The following DNAJC21 variants were observed in gnomAD, a reference collection of about 807,000 sequenced individuals.
DNAJC21 encodes the protein dnaJ homolog subfamily C member 21.
DNAJC21 carries 63 observed loss-of-function variants against 72.4 expected under a neutral mutation model. That is an observed-to-expected ratio of 0.87 (90% CI 0.71 to 1.07). The LOEUF (loss-of-function observed/expected upper bound fraction) is 1.07, where lower values mean the gene tolerates loss of function less well. Among genes scored for constraint, DNAJC21 ranks in the 50% least tolerant of loss-of-function variants. The pLI is 0.00. For missense variants in DNAJC21, 634 were observed against 644.8 expected (o/e 0.98, Z 0.18); for synonymous variants, 203 against 216.7 (o/e 0.94, Z 0.56).
At chr5:34,934,994 C>G (rs1561181222) in intron 2 of DNAJC21, among the ~76,000 whole-genome samples, 1 of 152,200 alleles carries the variant, frequency 6.6e-6, no homozygotes, top group Non-Finnish European at 1.5e-5. Context: ...TGCCTACTCT[C>G]TTCTCAAGAT....
chr5:34,950,567 A>G (rs1765329780), intron 10 of DNAJC21: 1 of 1,153,634 alleles, frequency 8.7e-7, no homozygotes. Flanking sequence ...AGCATGGCCA[A>G]AATCAGAAAG....
chr5:34,954,913 C>A lies in DNAJC21; in HGVS notation c.*199C>A. The A allele has an allele frequency of 1.9e-6, 1 of 539,784 alleles. No homozygotes were observed. The highest frequency in any genetic ancestry group is 2.9e-6 in the Non-Finnish European group (1 of 341,496). 33.4% of individuals were successfully genotyped at this position (539,784 alleles called of 1,614,324 possible). The stretch of plus-strand genomic sequence containing the variant: ...CACTAGTGATTGAATTCTACTTTTG[C>A]CATCTGAATTGACTTGAATGTCTTA... On this transcript the variant is annotated 3_prime_UTR_variant, in exon 12 of 12. Transcript: ENST00000648817.
Position 34,936,259 on chromosome 5 carries a change from A to C in DNAJC21, c.431A>C (p.Tyr144Ser), listed in dbSNP as rs746409541. Residue 144 changes from tyrosine (Y) to serine (S), a missense_variant, in exon 4 of 12, where the codon TAT becomes TCT. Transcript: ENST00000648817. ...FPTFGDSQSD[Y>S]DTVVHPFYAY... ...ACTTTTGGAGACTCCCAGAGTGACTATGATACGGTAAAATAAAAATGCATT... is the reference window on the plus strand; with the variant it reads ...ACTTTTGGAGACTCCCAGAGTGACTCTGATACGGTAAAATAAAAATGCATT... 1.7e-5 allele frequency: 27 copies of C among 1,607,532 alleles called. No individual in the cohort carries two copies. Among genetic ancestry groups the C allele is most frequent in the Non-Finnish European group, 2.2e-5 (26 of 1,178,506 alleles).
In DNAJC21 at chr5:34,945,786, A is replaced by C; in HGVS notation, c.1168A>C (p.Lys390Gln). Residue 390 changes from lysine (K) to glutamine (Q), a missense_variant, in exon 9 of 12, where the codon AAA becomes CAA. Lys to Gln is a moderately conservative substitution (Grantham distance 53). Transcript: ENST00000648817. ...GCTTTCTAAAAAACAGAAGAAAAAG[A>C]AACAGAAACCAGCACAGGTATGTTA... ...QKLSKKQKKK[K>Q]QKPAQNYDDN... 2 of 1,596,804 alleles carry C rather than the reference A, an allele frequency of 1.3e-6. No individual in the cohort carries two copies. Among genetic ancestry groups the C allele is most frequent in the Non-Finnish European group, 8.5e-7 (1 of 1,173,660 alleles).
At chr5:34,947,043 G>T (rs1765194068) in intron 9 of DNAJC21, among the ~76,000 whole-genome samples, 1 of 152,122 alleles carries the variant, frequency 6.6e-6, no homozygotes, top group East Asian at 1.9e-4. Flanking sequence ...GAAGGGAAGG[G>T]CAGTGTGGAG....
intron 10 of DNAJC21, chr5:34,952,393 A>C (rs1765402345): frequency 2.7e-6 from 1 of 372,530 alleles, no homozygotes; most frequent in Non-Finnish European, 3.7e-6. Context: ...CCTAATCTGC[A>C]TTTTTTAAAT....
rs1018273497 is a variant in DNAJC21 at position 34,958,411 on chromosome 5, T to C, written c.*3697T>C. Reference sequence around the variant, plus strand: ...AAACAATATGTACTACCTTATACCCTTCCCCAAAAACAAAGGGATTAAAGA... The same window carrying C: ...AAACAATATGTACTACCTTATACCCCTCCCCAAAAACAAAGGGATTAAAGA... On this transcript the variant is annotated 3_prime_UTR_variant, in exon 12 of 12. Transcript: ENST00000648817. 2.0e-5 allele frequency: 3 copies of C among 152,176 alleles called. No individual in the cohort carries two copies. The highest frequency in any genetic ancestry group is 4.4e-5 in the Non-Finnish European group (3 of 68,034). 9.4% of individuals were successfully genotyped at this position (152,176 alleles called of 1,614,324 possible).
rs1180575926 is a variant in DNAJC21 at position 34,942,084 on chromosome 5, G to A, written c.983+901G>A. Reference sequence around the variant, plus strand: ...TAAAACACATGCACTGTCTCCAGAAGCATTGCTTGTTTTGGCAAAGAAGAC... The same window carrying A: ...TAAAACACATGCACTGTCTCCAGAAACATTGCTTGTTTTGGCAAAGAAGAC... On this transcript the variant is annotated intron_variant, in intron 7 of 11. Coordinates refer to ENST00000648817, the MANE Select transcript of DNAJC21 (RefSeq NM_001012339.3). Among the ~76,000 whole-genome samples the A allele has an allele frequency of 2.6e-5, 4 of 152,046 alleles. No individual in the cohort carries two copies. The East Asian group carries it at 7.7e-4, about 29-fold the overall frequency.
In DNAJC21 at chr5:34,948,914, A is replaced by G. The variant is rs111315718; in HGVS notation, c.1186-1256A>G. Among the ~76,000 whole-genome samples the G allele has an allele frequency of 3.9e-3, 591 of 152,274 alleles. 2 individuals are homozygous for G. The highest frequency in any genetic ancestry group is 0.013 in the African/African-American group (550 of 41,546). On this transcript the variant is annotated intron_variant, in intron 9 of 11. Transcript: ENST00000648817. Reference sequence around the variant, plus strand: ...ATAGGAAAGCTTTATTATTACAGAAAAATATTAATTAGTACAAGTGCAAAT... The same window carrying G: ...ATAGGAAAGCTTTATTATTACAGAAGAATATTAATTAGTACAAGTGCAAAT...
Position 34,945,754 on chromosome 5 carries a change from C to T in DNAJC21, c.1143-7C>T, listed in dbSNP as rs775900769. 1.9e-6 allele frequency: 3 copies of T among 1,591,104 alleles called. No individual in the cohort carries two copies. The highest frequency in any genetic ancestry group is 1.2e-5 in the South Asian group (1 of 86,606). ...TATTTGACATTTCGATTTATATTTG[C>T]TCTTAGGCTTTCTAAAAAACAGAAG... On this transcript the variant is annotated splice_polypyrimidine_tract_variant and splice_region_variant and intron_variant, in intron 8 of 11. Transcript: ENST00000648817.
intron 2 of DNAJC21, 146 bp from the exon 3 acceptor site, chr5:34,935,564 G>GTT: frequency 1.2e-6 from 1 of 834,338 alleles, no homozygotes. Context: ...CTCTTTTCAT[G>GTT]TTAATATTTC....
Position 34,941,094 on chromosome 5 carries a change from A to G in DNAJC21, c.896-2A>G, listed in dbSNP as rs1178439882. The G allele has an allele frequency of 1.2e-6, 2 of 1,611,812 alleles. No individual in the cohort carries two copies. Among genetic ancestry groups the G allele is most frequent in the East Asian group, 4.5e-5 (2 of 44,866 alleles). On this transcript the variant is annotated splice_acceptor_variant, in intron 6 of 11. Coordinates refer to ENST00000648817, the MANE Select transcript of DNAJC21 (RefSeq NM_001012339.3). LOFTEE classifies it high-confidence loss of function. ...TTCTTACTGTAGGCTTCCCTGTCATAGGTAAAGACAGTGATGAGGCCGAGG... is the reference window on the plus strand; with the variant it reads ...TTCTTACTGTAGGCTTCCCTGTCATGGGTAAAGACAGTGATGAGGCCGAGG...
intron 1 of DNAJC21, among the ~76,000 whole-genome samples, chr5:34,931,955 C>G (rs1764611361): frequency 6.6e-6 from 1 of 152,192 alleles, no homozygotes; most frequent in Non-Finnish European, 1.5e-5. Flanking sequence ...AATATCTTCT[C>G]TAAATATCAT....
rs757340411 is a variant in DNAJC21 at position 34,939,025 on chromosome 5, TTTTA to T, written c.895+22_895+25del. On this transcript the variant is annotated intron_variant, in intron 6 of 11. Coordinates refer to ENST00000648817, the MANE Select transcript of DNAJC21 (RefSeq NM_001012339.3). ...GAGGAGGATGGTAATATTATTTTTATTTTATTTATCTTTTTTGTTTTTTAAGTGA... is the reference window on the plus strand; with the variant it reads ...GAGGAGGATGGTAATATTATTTTTATTTTATCTTTTTTGTTTTTTAAGTGA... 2 of 1,506,034 alleles carry T rather than the reference TTTTA, an allele frequency of 1.3e-6. No homozygotes were observed. The highest frequency in any genetic ancestry group is 2.8e-5 in the African/African-American group (2 of 70,498). 93.3% of individuals were successfully genotyped at this position (1,506,034 alleles called of 1,614,324 possible). A position where few individuals can be genotyped will look rare whatever the true frequency, so the allele number is the denominator to read the frequency against.
chr5:34,944,801 C>T, intron 7 of DNAJC21, 66 bp from the exon 8 acceptor site: 1 of 1,586,128 alleles, frequency 6.3e-7, no homozygotes, highest in South Asian at 1.2e-5. Flanking sequence ...TGCAGTTATC[C>T]AGCAACATTA....
chr5:34,956,705 G>A lies in DNAJC21; in HGVS notation c.*1991G>A, dbSNP rs1765547222. On this transcript the variant is annotated 3_prime_UTR_variant, in exon 12 of 12. Coordinates refer to ENST00000648817, the MANE Select transcript of DNAJC21 (RefSeq NM_001012339.3). ...GCAGGTATTTAATTTGTTTAATGAG[G>A]GTTGAGTGGAGTTATGTGTCGCTTT... The A allele has an allele frequency of 1.3e-5, 2 of 152,122 alleles. No homozygotes were observed. The highest frequency in any genetic ancestry group is 1.3e-4 in the Admixed American group (2 of 15,270). 9.4% of individuals were successfully genotyped at this position (152,122 alleles called of 1,614,324 possible). A position where few individuals can be genotyped will look rare whatever the true frequency, so the allele number is the denominator to read the frequency against.
intron 7 of DNAJC21, among the ~76,000 whole-genome samples, chr5:34,943,534 G>C (rs1765069168): frequency 6.6e-6 from 1 of 152,194 alleles, no homozygotes; most frequent in Admixed American, 6.5e-5. Flanking sequence ...TTACTATAGA[G>C]TTAGTATTTT....
At chr5:34,952,005 C>T (rs115328258) in intron 10 of DNAJC21, 14,072 of 985,398 alleles carry the variant, frequency 0.014, 137 homozygotes, top group Non-Finnish European at 0.016. Context: ...TACCCAGCAC[C>T]CTCCCCACAC....
At chr5:34,937,919 C>G (rs546114496) in intron 5 of DNAJC21, among the ~76,000 whole-genome samples, 149 of 152,238 alleles carry the variant, frequency 9.8e-4, no homozygotes, top group Non-Finnish European at 1.6e-3. Context: ...CTCAGCCTCC[C>G]AAGTAGCTGG....
Sources: gnomAD v4.1 joint callset for allele counts (sites outside exome capture counted in the v4.1 genomes callset) on GRCh38, gnomAD v4.1.1 for gene constraint, MANE v1.5 for transcripts, NCBI Gene and HGNC (gene_info 2026-07-23, HGNC 2026-07-21) for gene names.